The following LPP variants were observed in gnomAD, a reference collection of about 807,000 sequenced individuals.
The protein encoded by LPP is lipoma-preferred partner.
LPP carries 38 observed loss-of-function variants against 60.4 expected under a neutral mutation model. The observed-to-expected ratio is 0.63, with a 90% CI of 0.49 to 0.83. LPP has a LOEUF of 0.83. LPP is among the 40% of genes least tolerant of loss of function. LPP has a pLI of 0.00. For synonymous variants in LPP, 328 were observed against 290.8 expected (o/e 1.13, Z -1.30); for missense variants, 902 against 783.6 (o/e 1.15, Z -1.80).
At chr3:188,732,908 C>T (rs570588482) in intron 8 of LPP, among the ~76,000 whole-genome samples, 1 of 151,908 alleles carries the variant, frequency 6.6e-6, no homozygotes, top group African/African-American at 2.4e-5. Flanking sequence ...TGAGAAAGTT[C>T]TTTTTGTTTG....
Position 188,643,154 on chromosome 3 carries a change from T to A in LPP, c.1113+33310T>A, listed in dbSNP as rs1401665025. On this transcript the variant is annotated intron_variant, in intron 7 of 11. Transcript: ENST00000617246. ...ATGTTTAGAGCTAGAAATTGAATAT[T>A]CATTATTCTAGCCCAGACATTTTAC... Among the ~76,000 whole-genome samples, 5 of 152,310 alleles carry A rather than the reference T, an allele frequency of 3.3e-5. No homozygotes were observed. The East Asian group carries it at 9.7e-4, about 29-fold the overall frequency.
In LPP at chr3:188,521,147, G is replaced by A. The variant is rs576032793; in HGVS notation, c.307-3518G>A. On this transcript the variant is annotated intron_variant, in intron 5 of 11. Transcript: ENST00000617246. ...TTCATAATGGAATTGAAATGTAGGA[G>A]TAAAGCTACTATAGTATTTGCACAA... Among the ~76,000 whole-genome samples the A allele has an allele frequency of 6.6e-5, 10 of 152,282 alleles. No individual in the cohort carries two copies. The South Asian group carries it at 2.1e-3, about 32-fold the overall frequency.
At chr3:188,614,404 A>G (rs2151459596) in intron 7 of LPP, among the ~76,000 whole-genome samples, 1 of 152,318 alleles carries the variant, frequency 6.6e-6, no homozygotes, top group Non-Finnish European at 1.5e-5. Context: ...GAATGCAGAT[A>G]GATCCCTCAA....
At chr3:188,837,683 T>A (rs1758835325) in intron 9 of LPP, among the ~76,000 whole-genome samples, 1 of 152,160 alleles carries the variant, frequency 6.6e-6, no homozygotes, top group Non-Finnish European at 1.5e-5. Flanking sequence ...TTGCTTTTTT[T>A]AAAGCCTGAA....
intron 4 of LPP, among the ~76,000 whole-genome samples, chr3:188,422,913 T>TTGTGTGTGTGTGTGTGTG (rs10689970): frequency 3.7e-5 from 5 of 133,806 alleles, no homozygotes; most frequent in Admixed American, 1.5e-4. Context: ...GGTGTCTTCT[T>TTGTGTGTGTGTGTGTGTG]TGTGTGTGTG....
At chr3:188,424,824 T>C (rs1788840604) in intron 4 of LPP, among the ~76,000 whole-genome samples, 1 of 152,238 alleles carries the variant, frequency 6.6e-6, no homozygotes, top group Admixed American at 6.5e-5. Flanking sequence ...AAGTTGCTTA[T>C]CAGCTTAAGG....
intron 4 of LPP, among the ~76,000 whole-genome samples, chr3:188,415,408 T>C (rs909538535): frequency 6.6e-6 from 1 of 152,102 alleles, no homozygotes; most frequent in Non-Finnish European, 1.5e-5. Context: ...GTACTAACCA[T>C]ATGACTCAGC....
At chr3:188,613,086 T>C (rs971528095) in intron 7 of LPP, among the ~76,000 whole-genome samples, 2 of 151,990 alleles carry the variant, frequency 1.3e-5, no homozygotes, top group African/African-American at 4.8e-5. Flanking sequence ...CCTTGAAAAA[T>C]AGTGTTATAA....
chr3:188,490,933 T>A (rs2149746604), intron 5 of LPP, among the ~76,000 whole-genome samples: 1 of 151,956 alleles, frequency 6.6e-6, no homozygotes, highest in Admixed American at 6.6e-5. Flanking sequence ...TTTTTTAGTT[T>A]TTTATTTTTA....
intron 2 of LPP, among the ~76,000 whole-genome samples, chr3:188,333,350 G>A (rs528806097): frequency 1.4e-4 from 21 of 152,254 alleles, no homozygotes; most frequent in East Asian, 1.9e-4. Context: ...CAGATCTGCC[G>A]TTAACTAGAT....
intron 2 of LPP, among the ~76,000 whole-genome samples, chr3:188,279,743 T>A (rs1560193754): frequency 6.6e-6 from 1 of 152,218 alleles, no homozygotes; most frequent in African/African-American, 2.4e-5. Context: ...CATTTAGTTG[T>A]CAGATTTTAG....
chr3:188,204,527 T>C lies in LPP; in HGVS notation c.-189-20878T>C, dbSNP rs574928355. Among the ~76,000 whole-genome samples the C allele has an allele frequency of 3.9e-5, 6 of 152,336 alleles. No individual in the cohort carries two copies. In the East Asian group the frequency reaches 1.2e-3, roughly 29 times the overall value. On this transcript the variant is annotated intron_variant, in intron 1 of 11. Transcript: ENST00000617246. Reference sequence around the variant, plus strand: ...TGCTTCAACTTTTTACTTGAGTTTATAATAACAATGGCAATATTTTTTATA... The same window carrying C: ...TGCTTCAACTTTTTACTTGAGTTTACAATAACAATGGCAATATTTTTTATA...
intron 9 of LPP, among the ~76,000 whole-genome samples, chr3:188,839,356 A>G (rs539130588): frequency 5.3e-5 from 8 of 152,346 alleles, no homozygotes; most frequent in African/African-American, 1.9e-4. Context: ...CCACAGCTCC[A>G]TTATGATGTC....
intron 4 of LPP, among the ~76,000 whole-genome samples, chr3:188,436,371 C>T (rs547148241): frequency 2.3e-4 from 35 of 152,242 alleles, no homozygotes; most frequent in African/African-American, 8.2e-4. Context: ...GCCACTAGTG[C>T]TTAGGGTGTC....
intron 3 of LPP, among the ~76,000 whole-genome samples, chr3:188,387,864 C>T (rs972755960): frequency 4.7e-4 from 71 of 152,028 alleles, no homozygotes; most frequent in African/African-American, 1.7e-3. Flanking sequence ...CCTGCCCGGC[C>T]CAGAGGTGAA....
chr3:188,484,982 A>T (rs535911129), intron 5 of LPP, among the ~76,000 whole-genome samples: 4 of 151,612 alleles, frequency 2.6e-5, no homozygotes, highest in Admixed American at 1.3e-4. Context: ...TTTTTTTTTT[A>T]GGAATACTAT....
chr3:188,599,604 T>A (rs1203188787), intron 6 of LPP, among the ~76,000 whole-genome samples: 1 of 152,160 alleles, frequency 6.6e-6, no homozygotes, highest in East Asian at 1.9e-4. Flanking sequence ...TATACTGTTT[T>A]AACTATTTCT....
chr3:188,464,449 C>G (rs1301544867), intron 4 of LPP, among the ~76,000 whole-genome samples: 1 of 152,150 alleles, frequency 6.6e-6, no homozygotes, highest in African/African-American at 2.4e-5. Flanking sequence ...ATGGAACATT[C>G]CCACCACTGC....
intron 9 of LPP, among the ~76,000 whole-genome samples, chr3:188,834,325 T>A (rs1392296677): frequency 1.2e-4 from 6 of 51,268 alleles, no homozygotes; most frequent in Admixed American, 5.9e-4. Context: ...TTTTTGGGTG[T>A]TTTTTTTTTT....
Sources: allele counts gnomAD v4.1 joint callset (sites outside exome capture counted in the v4.1 genomes callset), GRCh38; gene constraint gnomAD v4.1.1; transcripts MANE v1.5; gene names NCBI Gene and HGNC (gene_info 2026-07-23, HGNC 2026-07-21).